The following FAAH2 variants were observed in gnomAD, a reference collection of about 807,000 sequenced individuals.
FAAH2 encodes the protein fatty-acid amide hydrolase 2.
Under a neutral mutation model 36.9 loss-of-function variants are expected in FAAH2, and 60 were observed. That is an observed-to-expected ratio of 1.63 (90% CI 1.32 to 2.02). FAAH2 has a LOEUF of 2.02. FAAH2 is among the 30% of genes most tolerant of loss of function. The pLI, the probability that FAAH2 is intolerant of heterozygous loss-of-function variation, is 0.00. For synonymous variants in FAAH2, 214 were observed against 143.8 expected (o/e 1.49, Z -3.49); for missense variants, 689 against 397.5 (o/e 1.73, Z -6.23).
At chrX:57,184,562 C>T in the FAAH2 span, among the ~76,000 whole-genome samples, 10 of 112,347 alleles carry the variant, frequency 8.9e-5, no homozygotes, top group African/African-American at 2.3e-4. Flanking sequence ...TCACTATAGC[C>T]CTGGACAATT....
rs149641238 is a variant in FAAH2 at position 57,446,990 on chromosome X, G to A, written c.1179G>A (p.Glu393=). ...GGAAACATGTCAGTCCTCTGTGGGA[G>A]TTGATCAAATGGTGCCTGGGTCTGT... ...DHGKHVSPLW[E]LIKWCLGLSV... is the part of the protein sequence containing the mutation. Residue 393 remains glutamate (E), a synonymous_variant, in exon 9 of 11, where the codon GAG becomes GAA. Coordinates refer to ENST00000374900, the MANE Select transcript of FAAH2 (RefSeq NM_174912.4). 21 of 1,208,170 alleles carry A rather than the reference G, an allele frequency of 1.7e-5. No homozygotes were observed. The African/African-American group carries it at 2.1e-4, about 12-fold the overall frequency.
At chrX:57,295,814 G>A (rs767964066) in intron 2 of FAAH2, among the ~76,000 whole-genome samples, 65 of 112,572 alleles carry the variant, frequency 5.8e-4, no homozygotes, top group African/African-American at 1.7e-3. Flanking sequence ...ATTATATCCC[G>A]CACTTGGATC....
intron 7 of FAAH2, chrX:57,394,061 G>A: frequency 4.1e-6 from 3 of 730,396 alleles, no homozygotes; most frequent in Non-Finnish European, 6.6e-6. Flanking sequence ...AAATATCTGA[G>A]CATCAATAGC....
chrX:57,397,938 G>A (rs189702694), intron 7 of FAAH2, among the ~76,000 whole-genome samples: 1 of 107,255 alleles, frequency 9.3e-6, no homozygotes, highest in East Asian at 3.0e-4. Flanking sequence ...CCACCTATGA[G>A]TGAGAACATG....
At chrX:57,231,066 T>TGTGA in the FAAH2 span, among the ~76,000 whole-genome samples, 3 of 108,409 alleles carry the variant, frequency 2.8e-5, no homozygotes, top group African/African-American at 1.0e-4. Flanking sequence ...TGTGTGTGTG[T>TGTGA]GAGTGTGTGT....
the FAAH2 span, among the ~76,000 whole-genome samples, chrX:57,206,697 G>C: frequency 8.9e-6 from 1 of 112,046 alleles, no homozygotes; most frequent in Non-Finnish European, 1.9e-5. Context: ...TAAGGGGATA[G>C]TAAAGAAACA....
At chrX:57,126,828 A>C in the FAAH2 span, 2 of 111,984 alleles carry the variant, frequency 1.8e-5, no homozygotes, top group African/African-American at 6.5e-5. Context: ...TTCTGAAAAA[A>C]AAATCTTTAC....
chrX:57,188,447 C>A, the FAAH2 span, among the ~76,000 whole-genome samples: 1 of 110,319 alleles, frequency 9.1e-6, no homozygotes, highest in African/African-American at 3.3e-5. Context: ...TTTGATTCTT[C>A]TCTCTTTTTT....
chrX:57,294,201 G>A, intron 2 of FAAH2, among the ~76,000 whole-genome samples: 2 of 112,208 alleles, frequency 1.8e-5, no homozygotes, highest in Middle Eastern at 9.1e-3. Flanking sequence ...CTCAATAAAT[G>A]GAGCTGTCCT....
chrX:57,478,351 G>A (rs751925948), intron 10 of FAAH2, among the ~76,000 whole-genome samples: 2 of 110,868 alleles, frequency 1.8e-5, no homozygotes, highest in Admixed American at 1.9e-4. Flanking sequence ...TTTTTTTCTT[G>A]TAAATTTGTT....
intron 3 of FAAH2, among the ~76,000 whole-genome samples, chrX:57,312,409 ATGCC>A (rs1260854396): frequency 3.6e-5 from 4 of 111,983 alleles, no homozygotes; most frequent in African/African-American, 1.3e-4. Flanking sequence ...ACAGTGGCTT[ATGCC>A]TGTAATCCCA....
chrX:57,148,962 G>A, the FAAH2 span, among the ~76,000 whole-genome samples: 4 of 111,729 alleles, frequency 3.6e-5, no homozygotes, highest in Admixed American at 2.9e-4. Context: ...AGAGTTTTTA[G>A]CATGAAGAGG....
At chrX:57,328,612 G>A (rs1479062498) in intron 3 of FAAH2, among the ~76,000 whole-genome samples, 1 of 111,776 alleles carries the variant, frequency 8.9e-6, no homozygotes, top group Non-Finnish European at 1.9e-5. Context: ...TAGTGTGTTT[G>A]TGTGGAGGAA....
chrX:57,469,170 C>T (rs1010480573), intron 10 of FAAH2, among the ~76,000 whole-genome samples: 2 of 112,013 alleles, frequency 1.8e-5, no homozygotes, highest in African/African-American at 6.5e-5. Context: ...ACCTTCAAAG[C>T]TAGGAAGAAA....
At chrX:57,448,836 G>T (rs2056732607) in intron 10 of FAAH2, 118 bp downstream of exon 10, 1 of 691,556 alleles carries the variant, frequency 1.4e-6, no homozygotes, top group Non-Finnish European at 2.2e-6. Context: ...GTATAAAAGT[G>T]CTGTGTGATT....
At chrX:57,272,488 G>A in the FAAH2 span, among the ~76,000 whole-genome samples, 1 of 111,813 alleles carries the variant, frequency 8.9e-6, no homozygotes, top group African/African-American at 3.2e-5. Context: ...AGGGAAAAAT[G>A]TTAAGGGCAG....
intron 7 of FAAH2, among the ~76,000 whole-genome samples, chrX:57,399,768 C>T (rs1391103245): frequency 8.9e-6 from 1 of 112,084 alleles, no homozygotes; most frequent in Non-Finnish European, 1.9e-5. Context: ...GCTGCATGGG[C>T]ATGGAGGACT....
intron 8 of FAAH2, among the ~76,000 whole-genome samples, chrX:57,444,798 A>C (rs1488676896): frequency 8.9e-6 from 1 of 112,041 alleles, no homozygotes; most frequent in Non-Finnish European, 1.9e-5. Flanking sequence ...AGAGATTCTC[A>C]TGCATTTTCA....
At chrX:57,324,278 C>T (rs925520235) in intron 3 of FAAH2, among the ~76,000 whole-genome samples, 8 of 111,901 alleles carry the variant, frequency 7.1e-5, no homozygotes, top group Non-Finnish European at 1.1e-4. Flanking sequence ...TAGCATGATG[C>T]CTCCAGCTTT....
Sources: allele counts gnomAD v4.1 joint callset (sites outside exome capture counted in the v4.1 genomes callset), GRCh38; gene constraint gnomAD v4.1.1; transcripts MANE v1.5; gene names NCBI Gene and HGNC (gene_info 2026-07-23, HGNC 2026-07-21).